The following PARVA variants were observed in gnomAD, a reference collection of about 807,000 sequenced individuals.
PARVA encodes the protein alpha-parvin.
In PARVA, 25 loss-of-function variants were observed where a neutral mutation model predicts 52.6. The ratio of observed to expected loss-of-function variants is 0.48; its 90% confidence interval spans 0.35 to 0.66. The LOEUF (loss-of-function observed/expected upper bound fraction) is 0.66. Among genes scored for constraint, PARVA ranks in the 30% least tolerant of loss-of-function variants. The probability of loss-of-function intolerance (pLI) is 0.01; values close to 1 mark genes in which losing one functional copy is unlikely to be tolerated. For missense variants in PARVA, 373 were observed against 450.9 expected, an observed-to-expected ratio of 0.83 and a Z score of 1.56; for synonymous variants, 185 against 179.1, an observed-to-expected ratio of 1.03 and a Z score of -0.26.
chr11:12,496,365 T>A (rs1941298607), intron 4 of PARVA, 93 bp from the exon 5 acceptor site: 3 of 1,333,878 alleles, frequency 2.2e-6, no homozygotes, highest in Non-Finnish European at 3.1e-6. Flanking sequence ...CATGCATGAG[T>A]GCATGAGAGA....
chr11:12,528,882 TG>T lies in PARVA; in HGVS notation c.*959del, dbSNP rs1469599471. On this transcript the variant is annotated 3_prime_UTR_variant, in exon 13 of 13. Transcript: ENST00000334956. ...TGGGAAGGATTTTGTTTAGAATTAA[TG>T]GAGTGGCACATTTTGCAGCCTTTTT... The T allele has an allele frequency of 5.2e-5, 8 of 152,662 alleles. No individual in the cohort carries two copies. The highest frequency in any genetic ancestry group is 1.9e-4 in the African/African-American group (8 of 41,462). The allele number at this position is 152,662 out of a possible 1,614,324, so 9.5% of individuals were successfully genotyped here.
At chr11:12,404,126 A>G (rs1039512128) in intron 1 of PARVA, among the ~76,000 whole-genome samples, 9 of 150,544 alleles carry the variant, frequency 6.0e-5, no homozygotes, top group Non-Finnish European at 1.3e-4. Flanking sequence ...TTAATCACTG[A>G]GAAATGCTTG....
intron 1 of PARVA, among the ~76,000 whole-genome samples, chr11:12,427,199 G>A (rs546858350): frequency 2.8e-4 from 42 of 152,320 alleles, no homozygotes; most frequent in African/African-American, 9.4e-4. Flanking sequence ...TCTGTCATAT[G>A]TATGGCATAT....
At chr11:12,402,855 G>T (rs78094083) in intron 1 of PARVA, among the ~76,000 whole-genome samples, 6,663 of 152,180 alleles carry the variant, frequency 0.044, 361 homozygotes, top group African/African-American at 0.13. Context: ...TCTCATTTTC[G>T]TACTCGGAGT....
At chr11:12,458,089 G>T (rs911463514) in intron 1 of PARVA, among the ~76,000 whole-genome samples, 1 of 152,204 alleles carries the variant, frequency 6.6e-6, no homozygotes, top group African/African-American at 2.4e-5. Context: ...GGAAAGGAAT[G>T]AGTACATTTT....
intron 1 of PARVA, among the ~76,000 whole-genome samples, chr11:12,394,729 C>A (rs1200130381): frequency 6.6e-6 from 1 of 152,142 alleles, no homozygotes; most frequent in Admixed American, 6.5e-5. Context: ...GGTCCCAGGA[C>A]CCCTGTGTAT....
At chr11:12,510,600 T>TA (rs1403524890) in intron 7 of PARVA, among the ~76,000 whole-genome samples, 4 of 152,134 alleles carry the variant, frequency 2.6e-5, no homozygotes, top group African/African-American at 9.7e-5. Flanking sequence ...TAACTGGACT[T>TA]ACAGTTCCAC....
At chr11:12,446,845 T>C (rs899256723) in intron 1 of PARVA, among the ~76,000 whole-genome samples, 3 of 152,222 alleles carry the variant, frequency 2.0e-5, no homozygotes, top group African/African-American at 7.2e-5. Context: ...TCGTACATTC[T>C]CAATGTAGCC....
intron 7 of PARVA, among the ~76,000 whole-genome samples, chr11:12,510,774 C>T (rs764664999): frequency 3.3e-5 from 5 of 152,134 alleles, no homozygotes; most frequent in Admixed American, 6.5e-5. Flanking sequence ...AGACCAGTCC[C>T]CATGATTCAA....
chr11:12,452,544 C>T (rs767563198), intron 1 of PARVA, among the ~76,000 whole-genome samples: 17 of 152,196 alleles, frequency 1.1e-4, no homozygotes, highest in Non-Finnish European at 2.1e-4. Context: ...TTACCTCTGC[C>T]TTTGTCAGAT....
At chr11:12,507,058 ATT>A (rs5789726) in intron 6 of PARVA, among the ~76,000 whole-genome samples, 49 of 151,346 alleles carry the variant, frequency 3.2e-4, no homozygotes, top group East Asian at 2.5e-3. Context: ...TAAATGATAG[ATT>A]TTTTTTTTTC....
At chr11:12,429,041 G>A (rs1041585071) in intron 1 of PARVA, among the ~76,000 whole-genome samples, 10 of 152,118 alleles carry the variant, frequency 6.6e-5, no homozygotes, top group African/African-American at 9.7e-5. Flanking sequence ...GCAGCAGTGC[G>A]ATCATAGCTC....
chr11:12,493,368 AAAG>A lies in PARVA; in HGVS notation c.401-3088_401-3086del, dbSNP rs1482937132. ...GAGACTCCATCTCAAAAAAAAAAAA[AAAG>A]AGAGAATATTAACACACACACAATA... On this transcript the variant is annotated intron_variant, in intron 4 of 12. Coordinates refer to ENST00000334956, the MANE Select transcript of PARVA (RefSeq NM_018222.5). 1.5e-3 allele frequency among the ~76,000 whole-genome samples: 235 copies of A among 151,956 alleles called. 1 individual carries two copies. Among genetic ancestry groups the A allele is most frequent in the African/African-American group, 5.4e-3 (222 of 41,468 alleles).
chr11:12,390,796 C>G (rs1036664474), intron 1 of PARVA, among the ~76,000 whole-genome samples: 2 of 152,174 alleles, frequency 1.3e-5, no homozygotes, highest in Non-Finnish European at 2.9e-5. Flanking sequence ...CTGCAGATGA[C>G]AGGTAATTAA....
intron 1 of PARVA, among the ~76,000 whole-genome samples, chr11:12,401,398 C>G (rs944439139): frequency 6.6e-6 from 1 of 152,140 alleles, no homozygotes; most frequent in Non-Finnish European, 1.5e-5. Flanking sequence ...AAAGAAGAGG[C>G]AAAGGTGGGA....
intron 4 of PARVA, among the ~76,000 whole-genome samples, chr11:12,492,413 C>G (rs1337559409): frequency 6.6e-6 from 1 of 152,108 alleles, no homozygotes; most frequent in Non-Finnish European, 1.5e-5. Context: ...GAAACAGTTT[C>G]CTGGAAGAAT....
intron 8 of PARVA, 135 bp from the exon 9 acceptor site, chr11:12,513,164 C>T: frequency 2.5e-6 from 2 of 784,964 alleles, no homozygotes; most frequent in Non-Finnish European, 4.7e-6. Flanking sequence ...GTTCCCGGCA[C>T]AGTCTATACC....
At chr11:12,511,301 T>C (rs748037059) in intron 7 of PARVA, among the ~76,000 whole-genome samples, 6 of 151,658 alleles carry the variant, frequency 4.0e-5, no homozygotes, top group Middle Eastern at 3.2e-3. Flanking sequence ...GGGGGGAAAA[T>C]GGGTGGTAAT....
intron 5 of PARVA, among the ~76,000 whole-genome samples, chr11:12,504,013 G>A (rs1359764025): frequency 6.6e-6 from 1 of 152,298 alleles, no homozygotes; most frequent in African/African-American, 2.4e-5. Flanking sequence ...GAGCAAGAGA[G>A]AGAGTGGGCT....
Sources: gnomAD v4.1 joint callset for allele counts (sites outside exome capture counted in the v4.1 genomes callset) on GRCh38, gnomAD v4.1.1 for gene constraint, MANE v1.5 for transcripts, NCBI Gene and HGNC (gene_info 2026-07-23, HGNC 2026-07-21) for gene names.